PPP2R2B: variants seen among roughly 807,000 people sequenced by gnomAD.
The protein encoded by PPP2R2B is serine/threonine-protein phosphatase 2A 55 kDa regulatory subunit B beta isoform.
A neutral mutation model predicts 46.0 loss-of-function variants in PPP2R2B; 5 were observed. The observed-to-expected ratio is 0.11, with a 90% confidence interval of 0.06 to 0.23. PPP2R2B has a LOEUF of 0.23. Among genes scored for constraint, PPP2R2B ranks in the 10% least tolerant of loss-of-function variants. The pLI is 1.00. For missense variants in PPP2R2B, 367 were observed against 575.0 expected (o/e 0.64, Z 3.70); for synonymous variants, 215 against 206.7 (o/e 1.04, Z -0.34).
At chr5:146,897,335 A>T (rs1185777061) in intron 1 of PPP2R2B, among the ~76,000 whole-genome samples, 1 of 152,232 alleles carries the variant, frequency 6.6e-6, no homozygotes, top group Non-Finnish European at 1.5e-5. Context: ...AACTCTTCTC[A>T]TCACACCCTG....
intron 2 of PPP2R2B, among the ~76,000 whole-genome samples, chr5:146,869,952 T>C (rs1026751231): frequency 6.6e-6 from 1 of 152,096 alleles, no homozygotes; most frequent in Non-Finnish European, 1.5e-5. Context: ...TTCCTGGTGG[T>C]ATTTTGTACT....
At chr5:146,974,501 G>C (rs917801900) in intron 1 of PPP2R2B, among the ~76,000 whole-genome samples, 2 of 152,056 alleles carry the variant, frequency 1.3e-5, no homozygotes, top group African/African-American at 4.8e-5. Flanking sequence ...TCCCTAGGAG[G>C]GCTCTGTACA....
chr5:146,814,713 TC>T lies in PPP2R2B; in HGVS notation c.70+63288del, dbSNP rs202045492. ...TTTAGTAAACACATTGCACATGTGG[TC>T]CCCCCCAAGTGCTGGCAGGCCACTG... On this transcript the variant is annotated intron_variant, in intron 2 of 9. Transcript: ENST00000394411. 7.2e-3 allele frequency among the ~76,000 whole-genome samples: 1,089 copies of T among 152,002 alleles called. 19 individuals carry two copies. The highest frequency in any genetic ancestry group is 0.024 in the African/African-American group (1,003 of 41,448).
intron 2 of PPP2R2B, among the ~76,000 whole-genome samples, chr5:146,710,024 C>T (rs1219168936): frequency 2.0e-5 from 3 of 152,154 alleles, no homozygotes; most frequent in Non-Finnish European, 4.4e-5. Flanking sequence ...TTTACTCTAC[C>T]ACACAACCAA....
At chr5:146,905,410 T>A (rs972130931) in intron 1 of PPP2R2B, among the ~76,000 whole-genome samples, 2 of 152,194 alleles carry the variant, frequency 1.3e-5, no homozygotes, top group Non-Finnish European at 2.9e-5. Context: ...TTTAAATTTT[T>A]AAATTTTTAT....
chr5:146,707,201 T>G, intron 2 of PPP2R2B: 1 of 1,568,960 alleles, frequency 6.4e-7, no homozygotes, highest in Non-Finnish European at 8.7e-7. Flanking sequence ...TCGAATATGT[T>G]GTCCATGTTG....
At chr5:146,656,768 G>A (rs1442049585) in intron 5 of PPP2R2B, 1 of 152,478 alleles carries the variant, frequency 6.6e-6, no homozygotes, top group African/African-American at 2.4e-5. Flanking sequence ...TGGATCAGTA[G>A]TCAGGGCCGG....
intron 8 of PPP2R2B, among the ~76,000 whole-genome samples, chr5:146,595,405 A>G (rs1771079343): frequency 6.6e-6 from 1 of 152,172 alleles, no homozygotes; most frequent in Non-Finnish European, 1.5e-5. Context: ...CACCTTCGGC[A>G]TTTTGTCTTA....
chr5:147,047,973 C>T lies in PPP2R2B; in HGVS notation c.79+7692G>A, dbSNP rs147286460. On this transcript the variant is annotated intron_variant, in intron 1 of 8. Transcript: ENST00000336640. ...TATCCTGGCCATTGTTGAGTTCTTA[C>T]CTCTGACTGTACATAAGATTCACTT... Among the ~76,000 whole-genome samples, 224 of 152,258 alleles carry T rather than the reference C, an allele frequency of 1.5e-3. 1 individual carries two copies. Among genetic ancestry groups the T allele is most frequent in the African/African-American group, 5.3e-3 (222 of 41,560 alleles).
intron 6 of PPP2R2B, among the ~76,000 whole-genome samples, chr5:146,640,518 G>A (rs1775135032): frequency 6.6e-6 from 1 of 152,222 alleles, no homozygotes; most frequent in African/African-American, 2.4e-5. Flanking sequence ...TGGGTAAACG[G>A]AGGTTAGTTT....
intron 2 of PPP2R2B, among the ~76,000 whole-genome samples, chr5:146,732,098 G>A (rs1414148546): frequency 2.6e-5 from 4 of 152,144 alleles, no homozygotes; most frequent in Non-Finnish European, 4.4e-5. Flanking sequence ...AGTCCTTGAT[G>A]CTGACTCATT....
At chr5:146,972,305 C>T (rs921953035) in intron 1 of PPP2R2B, among the ~76,000 whole-genome samples, 2 of 152,162 alleles carry the variant, frequency 1.3e-5, no homozygotes, top group South Asian at 2.1e-4. Flanking sequence ...GTGATGTTCA[C>T]CTTGTGGATT....
At chr5:146,784,398 TGAA>T (rs1755715095) in intron 2 of PPP2R2B, among the ~76,000 whole-genome samples, 1 of 152,220 alleles carries the variant, frequency 6.6e-6, no homozygotes, top group South Asian at 2.1e-4. Context: ...ATAGATGTGA[TGAA>T]GAAATATATT....
intron 2 of PPP2R2B, among the ~76,000 whole-genome samples, chr5:146,757,554 A>G (rs918648268): frequency 6.6e-6 from 1 of 152,136 alleles, no homozygotes; most frequent in African/African-American, 2.4e-5. Flanking sequence ...ATTGTTTTGG[A>G]CATGCAGGGG....
chr5:146,787,952 A>C (rs1755947615), intron 2 of PPP2R2B, among the ~76,000 whole-genome samples: 1 of 152,092 alleles, frequency 6.6e-6, no homozygotes, highest in South Asian at 2.1e-4. Context: ...TTGGCTTTTA[A>C]ATTTCTCTGT....
chr5:146,726,834 G>A (rs1380528789), intron 2 of PPP2R2B, among the ~76,000 whole-genome samples: 1 of 152,152 alleles, frequency 6.6e-6, no homozygotes, highest in African/African-American at 2.4e-5. Context: ...GGAATCATCA[G>A]GATGCATAGA....
intron 1 of PPP2R2B, among the ~76,000 whole-genome samples, chr5:146,926,321 C>T (rs888905195): frequency 6.6e-6 from 1 of 152,014 alleles, no homozygotes; most frequent in Non-Finnish European, 1.5e-5. Flanking sequence ...AAATCTGTTT[C>T]CCCTAGGCTA....
chr5:146,936,785 G>C (rs188283837), intron 1 of PPP2R2B, among the ~76,000 whole-genome samples: 394 of 151,936 alleles, frequency 2.6e-3, no homozygotes, highest in Non-Finnish European at 3.2e-3. Flanking sequence ...AGGTAACTGG[G>C]GATCATAGAA....
chr5:146,952,760 T>C (rs1207218860), intron 1 of PPP2R2B, among the ~76,000 whole-genome samples: 4 of 152,130 alleles, frequency 2.6e-5, no homozygotes, highest in Non-Finnish European at 5.9e-5. Context: ...GGTCTGGTGA[T>C]AGATTATAGC....
Sources: allele counts gnomAD v4.1 joint callset (sites outside exome capture counted in the v4.1 genomes callset), GRCh38; gene constraint gnomAD v4.1.1; transcripts MANE v1.5; gene names NCBI Gene and HGNC (gene_info 2026-07-23, HGNC 2026-07-21).